The following B4GALT6 variants were observed in gnomAD, a reference collection of about 807,000 sequenced individuals.
The protein encoded by B4GALT6 is UDP-Gal:beta-GlcNAc beta-1,4-galactosyltransferase 6.
A neutral mutation model predicts 46.3 loss-of-function variants in B4GALT6; 14 were observed. That is an observed-to-expected ratio of 0.30 (90% CI 0.20 to 0.47). The LOEUF is 0.47. Ranked by LOEUF, B4GALT6 falls within the 20% of genes least tolerant of loss-of-function variation. The pLI is 0.99. For missense variants in B4GALT6, 386 were observed against 480.1 expected (o/e 0.80, Z 1.83); for synonymous variants, 168 against 162.0 (o/e 1.04, Z -0.28).
Position 31,672,324 on chromosome 18 carries a change from T to C in B4GALT6, c.116-5952A>G, listed in dbSNP as rs1014778173. On this transcript the variant is annotated intron_variant, in intron 1 of 8. Coordinates refer to ENST00000306851, the MANE Select transcript of B4GALT6 (RefSeq NM_004775.5). ...GCAATCTGGGATGCAGTTATAAATGTAGGACTGAAGCTACAAGAGGGCTAG... is the reference window on the plus strand; with the variant it reads ...GCAATCTGGGATGCAGTTATAAATGCAGGACTGAAGCTACAAGAGGGCTAG... Among the ~76,000 whole-genome samples, 4 of 152,178 alleles carry C rather than the reference T, an allele frequency of 2.6e-5. No individual in the cohort carries two copies. The South Asian group carries it at 8.3e-4, about 31-fold the overall frequency.
chr18:31,638,976 T>A (rs1202262621), intron 4 of B4GALT6, among the ~76,000 whole-genome samples: 1 of 152,126 alleles, frequency 6.6e-6, no homozygotes, highest in African/African-American at 2.4e-5. Flanking sequence ...CTCTGAAGCG[T>A]TTTCTAAAGA....
At chr18:31,649,006 GA>G (rs1234848198) in intron 3 of B4GALT6, among the ~76,000 whole-genome samples, 1 of 152,124 alleles carries the variant, frequency 6.6e-6, no homozygotes, top group African/African-American at 2.4e-5. Flanking sequence ...AGAAAGACCT[GA>G]ATTTCCCCTA....
the B4GALT6 span, among the ~76,000 whole-genome samples, chr18:31,697,870 C>T: frequency 1.3e-5 from 2 of 152,146 alleles, no homozygotes; most frequent in South Asian, 2.1e-4. Flanking sequence ...AATTATCATT[C>T]GTTTGTAGAT....
chr18:31,637,199 TTAAC>T (rs1237003580), intron 5 of B4GALT6, among the ~76,000 whole-genome samples: 1 of 152,252 alleles, frequency 6.6e-6, no homozygotes, highest in African/African-American at 2.4e-5. Flanking sequence ...TCTATTTAAA[TTAAC>T]TATGTTAAAG....
chr18:31,708,596 AT>A, the B4GALT6 span, among the ~76,000 whole-genome samples: 1 of 152,042 alleles, frequency 6.6e-6, no homozygotes, highest in African/African-American at 2.4e-5. Flanking sequence ...TAAAATTAAA[AT>A]TAAAAAAACC....
chr18:31,639,356 T>G (rs2073902005), intron 4 of B4GALT6, among the ~76,000 whole-genome samples: 1 of 152,198 alleles, frequency 6.6e-6, no homozygotes, highest in African/African-American at 2.4e-5. Context: ...TAAAAGACAT[T>G]TCACTTGAAT....
At chr18:31,704,121 A>C in the B4GALT6 span, among the ~76,000 whole-genome samples, 1 of 151,986 alleles carries the variant, frequency 6.6e-6, no homozygotes, top group Non-Finnish European at 1.5e-5. Flanking sequence ...TAATAATAAT[A>C]ATTTTATAAT....
intron 1 of B4GALT6, among the ~76,000 whole-genome samples, chr18:31,671,982 G>A (rs1157891710): frequency 1.3e-5 from 2 of 152,236 alleles, no homozygotes; most frequent in Non-Finnish European, 2.9e-5. Flanking sequence ...TCTATCCTGA[G>A]TTTATGAGGC....
At chr18:31,720,760 C>T in the B4GALT6 span, among the ~76,000 whole-genome samples, 1 of 152,212 alleles carries the variant, frequency 6.6e-6, no homozygotes, top group African/African-American at 2.4e-5. Context: ...ATAGGGTCCT[C>T]ATGACCAGAG....
intron 1 of B4GALT6, among the ~76,000 whole-genome samples, chr18:31,673,071 GA>G (rs887781818): frequency 6.6e-6 from 1 of 152,056 alleles, no homozygotes; most frequent in Non-Finnish European, 1.5e-5. Flanking sequence ...AGCCTGAGTG[GA>G]AAAAAACTAG....
chr18:31,634,779 T>C, intron 5 of B4GALT6, among the ~76,000 whole-genome samples: 1 of 152,226 alleles, frequency 6.6e-6, no homozygotes, highest in Non-Finnish European at 1.5e-5. Flanking sequence ...AAGATGTTTC[T>C]AGCTCAAAAT....
intron 4 of B4GALT6, among the ~76,000 whole-genome samples, chr18:31,640,436 C>G (rs1443768693): frequency 6.6e-6 from 1 of 151,974 alleles, no homozygotes; most frequent in African/African-American, 2.4e-5. Context: ...ATAAAGAGAA[C>G]AAAAAATGAT....
upstream of B4GALT6, chr18:31,685,538 C>G (rs1259896232): frequency 6.6e-6 from 1 of 151,794 alleles, no homozygotes; most frequent in Non-Finnish European, 1.5e-5. Flanking sequence ...CGAAACACCG[C>G]GCGTCCTGAT....
chr18:31,640,159 A>C (rs1235374467), intron 4 of B4GALT6, among the ~76,000 whole-genome samples: 4 of 152,180 alleles, frequency 2.6e-5, no homozygotes, highest in Non-Finnish European at 5.9e-5. Flanking sequence ...TGGATTTTTT[A>C]AATATACAAT....
At chr18:31,678,903 G>A (rs1404280068) in intron 1 of B4GALT6, among the ~76,000 whole-genome samples, 1 of 152,246 alleles carries the variant, frequency 6.6e-6, no homozygotes, top group African/African-American at 2.4e-5. Flanking sequence ...AGAAGGACAA[G>A]TGCCCTGAGA....
Position 31,658,053 on chromosome 18 carries a change from A to C in B4GALT6, c.269T>G (p.Val90Gly), listed in dbSNP as rs1290292264. 1.2e-6 allele frequency: 2 copies of C among 1,613,754 alleles called. No individual in the cohort carries two copies. The highest frequency in any genetic ancestry group is 1.3e-5 in the African/African-American group (1 of 74,920). ...TTCCGGGAGATACGTTGTTGTTTGA[A>C]CAAGATAATCACTTGAATTATTGCC... is the stretch of plus-strand genomic sequence containing the variant. Reference protein sequence around the residue: ...PEGNNSSDYLVQTTTYLPENF... With the variant: ...PEGNNSSDYLGQTTTYLPENF... Residue 90 changes from valine to glycine, a missense_variant, in exon 3 of 9, where the codon GTT becomes GGT. Physicochemically the swap from Val to Gly is moderately radical, Grantham distance 109. Coordinates refer to ENST00000306851, the MANE Select transcript of B4GALT6 (RefSeq NM_004775.5).
the B4GALT6 span, among the ~76,000 whole-genome samples, chr18:31,706,390 G>T: frequency 6.6e-6 from 1 of 152,220 alleles, no homozygotes; most frequent in Admixed American, 6.5e-5. Flanking sequence ...CAGCACTTTG[G>T]GAGGCCGAGG....
At chr18:31,630,302 T>C (rs1417689436) in intron 6 of B4GALT6, among the ~76,000 whole-genome samples, 1 of 152,186 alleles carries the variant, frequency 6.6e-6, no homozygotes, top group African/African-American at 2.4e-5. Context: ...CAATGAAAAC[T>C]GTGATCCTTT....
chr18:31,647,194 A>G (rs1430480177), intron 3 of B4GALT6, among the ~76,000 whole-genome samples: 1 of 152,244 alleles, frequency 6.6e-6, no homozygotes, highest in African/African-American at 2.4e-5. Flanking sequence ...GCTAAATAAT[A>G]AGCAGTTCAT....
Sources: allele counts gnomAD v4.1 joint callset (sites outside exome capture counted in the v4.1 genomes callset), GRCh38; gene constraint gnomAD v4.1.1; transcripts MANE v1.5; gene names NCBI Gene and HGNC (gene_info 2026-07-23, HGNC 2026-07-21).